Variants in COLEC11 observed in about 807,000 individuals in gnomAD.
COLEC11 encodes the protein collectin-11.
In COLEC11, 20 loss-of-function variants were observed where a neutral mutation model predicts 27.3. The ratio of observed to expected loss-of-function variants is 0.73; its 90% CI spans 0.51 to 1.06. COLEC11 has a LOEUF of 1.06. Among genes scored for constraint, COLEC11 ranks in the 50% least tolerant of loss-of-function variants. The probability of loss-of-function intolerance (pLI) is 0.00; values close to 1 mark genes in which losing one functional copy is unlikely to be tolerated. For synonymous variants in COLEC11, 163 were observed against 154.7 expected, an observed-to-expected ratio of 1.05 and a Z score of -0.40; for missense variants, 310 against 383.0, an observed-to-expected ratio of 0.81 and a Z score of 1.59.
At chr2:3,609,544 T>TTTC (rs1663029950) in intron 2 of COLEC11, among the ~76,000 whole-genome samples, 1 of 151,176 alleles carries the variant, frequency 6.6e-6, no homozygotes, top group African/African-American at 2.4e-5. Flanking sequence ...TATTTTTTTT[T>TTTC]TTGAAATGGA....
At chr2:3,619,582 G>A (rs879606351) in intron 3 of COLEC11, among the ~76,000 whole-genome samples, 1 of 152,136 alleles carries the variant, frequency 6.6e-6, no homozygotes, top group Non-Finnish European at 1.5e-5. Flanking sequence ...ATTGATTTCT[G>A]TATGTTGAAC....
At chr2:3,603,890 C>A (rs1000891903) in intron 1 of COLEC11, 5 of 590,344 alleles carry the variant, frequency 8.5e-6, no homozygotes, top group African/African-American at 1.9e-5. Flanking sequence ...GCTCCTCAGG[C>A]GCCTTGGCTG....
At chr2:3,639,534 C>T (rs763164102) in intron 4 of COLEC11, among the ~76,000 whole-genome samples, 19 of 152,210 alleles carry the variant, frequency 1.2e-4, no homozygotes, top group Non-Finnish European at 2.4e-4. Context: ...TTGGAATCTA[C>T]TGAAGTCTTT....
At chr2:3,627,264 G>GC (rs1487340179) in intron 3 of COLEC11, among the ~76,000 whole-genome samples, 3 of 148,690 alleles carry the variant, frequency 2.0e-5, no homozygotes, top group Non-Finnish European at 3.0e-5. Context: ...GCATGATGAC[G>GC]CTGGTCACGA....
intron 3 of COLEC11, among the ~76,000 whole-genome samples, chr2:3,635,152 C>T (rs913227996): frequency 2.3e-5 from 3 of 129,670 alleles, no homozygotes; most frequent in Admixed American, 2.2e-4. Context: ...TGCCCCGTGA[C>T]ATCCCCCTCT....
intron 2 of COLEC11, among the ~76,000 whole-genome samples, chr2:3,612,290 T>C (rs58526347): frequency 0.078 from 11,802 of 152,186 alleles, 741 homozygotes; most frequent in African/African-American, 0.17. Context: ...ACACACTCCC[T>C]GTCTGCAACC....
intron 3 of COLEC11, among the ~76,000 whole-genome samples, chr2:3,633,456 G>A (rs138140785): frequency 0.011 from 1,626 of 152,318 alleles, 32 homozygotes; most frequent in African/African-American, 0.036. Context: ...TGTCTCCGGC[G>A]AGTAGAGCTC....
chr2:3,620,501 A>T (rs1236802235), intron 3 of COLEC11, among the ~76,000 whole-genome samples: 3 of 151,190 alleles, frequency 2.0e-5, no homozygotes, highest in Non-Finnish European at 4.4e-5. Context: ...AGCAACTCTT[A>T]GTTTTGTCGC....
At chr2:3,622,127 C>T (rs2147911639) in intron 3 of COLEC11, among the ~76,000 whole-genome samples, 1 of 151,428 alleles carries the variant, frequency 6.6e-6, no homozygotes, top group Non-Finnish European at 1.5e-5. Flanking sequence ...TGAGATTGTG[C>T]CACCGCGCTC....
intron 3 of COLEC11, among the ~76,000 whole-genome samples, chr2:3,630,608 C>A (rs960744987): frequency 6.6e-6 from 1 of 152,136 alleles, no homozygotes; most frequent in African/African-American, 2.4e-5. Context: ...TTAATGATTT[C>A]CAATAGAAAC....
chr2:3,609,248 C>T (rs1348623200), intron 2 of COLEC11, among the ~76,000 whole-genome samples: 1 of 151,762 alleles, frequency 6.6e-6, no homozygotes, highest in Non-Finnish European at 1.5e-5. Flanking sequence ...GATTCTTTCT[C>T]TCCTGCTTTA....
intron 3 of COLEC11, among the ~76,000 whole-genome samples, chr2:3,622,195 A>G (rs1664234310): frequency 1.3e-5 from 2 of 151,138 alleles, no homozygotes; most frequent in African/African-American, 4.9e-5. Flanking sequence ...AGTAAAATAT[A>G]TTAGCTGGGT....
chr2:3,637,531 A>G lies in COLEC11; in HGVS notation c.203-2A>G. 1.2e-6 allele frequency: 2 copies of G among 1,614,014 alleles called. No homozygotes were observed. Among genetic ancestry groups the G allele is most frequent in the Non-Finnish European group, 1.7e-6 (2 of 1,179,886 alleles). On this transcript the variant is annotated splice_acceptor_variant, in intron 3 of 6. Transcript: ENST00000349077. LOFTEE classifies it high-confidence loss of function. Reference sequence around the variant, plus strand: ...CAACTTTGCTCTTATTGTTTTCTACAGGAGACATGGGGGACAAAGGACAGA... The same window carrying G: ...CAACTTTGCTCTTATTGTTTTCTACGGGAGACATGGGGGACAAAGGACAGA...
At position 3,643,820 on chromosome 2, in the gene COLEC11, G is replaced by A. The variant is rs747333394; in HGVS notation, c.518G>A (p.Arg173His). The A allele has an allele frequency of 6.2e-6, 10 of 1,613,372 alleles. No individual in the cohort carries two copies. Among genetic ancestry groups the A allele is most frequent in the South Asian group, 3.3e-5 (3 of 91,084 alleles). The change falls in exon 7 of 7, where the codon CGC becomes CAC. Residue 173 changes from arginine to histidine, a missense_variant. Transcript: ENST00000349077. ...GACGCCCAGCTGTCCTGCCAGGGCC[G>A]CGGGGGCACGCTGAGCATGCCCAAG... ...YADAQLSCQG[R>H]GGTLSMPKDE...
chr2:3,623,656 T>C (rs1345565796), intron 3 of COLEC11, among the ~76,000 whole-genome samples: 1 of 152,124 alleles, frequency 6.6e-6, no homozygotes, highest in Non-Finnish European at 1.5e-5. Flanking sequence ...GGTTCTTTTT[T>C]TAAAAAAAAA....
In COLEC11 at chr2:3,605,306, G is replaced by T. The variant is rs563784050; in HGVS notation, c.130+836G>T. Among the ~76,000 whole-genome samples, 261 of 136,724 alleles carry T rather than the reference G, an allele frequency of 1.9e-3. 8 individuals carry two copies. Among genetic ancestry groups the T allele is most frequent in the African/African-American group, 7.1e-3 (257 of 36,130 alleles). 89.7% of individuals were successfully genotyped at this position (136,724 alleles called of 152,430 possible). On this transcript the variant is annotated intron_variant, in intron 2 of 6. Transcript: ENST00000349077. ...GGGAGTCACGTGGGTGCCGAGGAGG[G>T]GGCGGGGGAGTCACGTGGGTGCCGA...
intron 1 of COLEC11, among the ~76,000 whole-genome samples, chr2:3,600,981 C>T (rs1293349794): frequency 1.3e-5 from 2 of 152,210 alleles, no homozygotes; most frequent in African/African-American, 2.4e-5. Flanking sequence ...CCATCCACGC[C>T]CCTTCTCAGA....
At chr2:3,603,492 T>C (rs1283919602) in intron 1 of COLEC11, 2 of 675,026 alleles carry the variant, frequency 3.0e-6, no homozygotes, top group South Asian at 1.7e-5. Context: ...AATTTTTGTA[T>C]TTTTAGAAGA....
At chr2:3,613,963 TTTTTCTTTCTTTCTTTC>T (rs1434864697) in intron 3 of COLEC11, among the ~76,000 whole-genome samples, 132 of 132,086 alleles carry the variant, frequency 1.0e-3, no homozygotes, top group Non-Finnish European at 5.0e-4. Context: ...GTGTTTTTTC[TTTTTCTTTCTTTCTTTC>T]TTTTTTTTTT....
Sources: allele counts gnomAD v4.1 joint callset (sites outside exome capture counted in the v4.1 genomes callset), GRCh38; gene constraint gnomAD v4.1.1; transcripts MANE v1.5; gene names NCBI Gene and HGNC (gene_info 2026-07-23, HGNC 2026-07-21).